The following MAMDC2 variants were observed in gnomAD, a reference collection of about 807,000 sequenced individuals.
MAMDC2 encodes the protein MAM domain-containing protein 2.
In MAMDC2, 57 loss-of-function variants were observed where a neutral mutation model predicts 89.8. That is an observed-to-expected ratio of 0.63 (90% CI 0.51 to 0.79). The LOEUF is 0.79. MAMDC2 is among the 30% of genes least tolerant of loss of function. The probability of loss-of-function intolerance (pLI) is 0.00; values close to 1 mark genes in which losing one functional copy is unlikely to be tolerated. For missense variants in MAMDC2, 800 were observed against 820.6 expected (o/e 0.97, Z 0.31); for synonymous variants, 313 against 293.4 (o/e 1.07, Z -0.68).
intron 11 of MAMDC2, among the ~76,000 whole-genome samples, chr9:70,182,570 T>C (rs1047930431): frequency 1.3e-5 from 2 of 152,212 alleles, no homozygotes; most frequent in Admixed American, 1.3e-4. Flanking sequence ...TACTTCTTCC[T>C]GATTTAGTCT....
chr9:70,175,082 A>G (rs543636957), intron 11 of MAMDC2, among the ~76,000 whole-genome samples: 1 of 152,276 alleles, frequency 6.6e-6, no homozygotes, highest in South Asian at 2.1e-4. Context: ...TGTTGAACTT[A>G]GGAGAGAAGC....
chr9:70,140,708 C>T (rs1339349884), intron 8 of MAMDC2, among the ~76,000 whole-genome samples: 1 of 152,122 alleles, frequency 6.6e-6, no homozygotes, highest in East Asian at 1.9e-4. Flanking sequence ...TGATCTGGAA[C>T]TACATAGTGG....
intron 12 of MAMDC2, among the ~76,000 whole-genome samples, chr9:70,224,752 A>AT (rs2033618159): frequency 6.6e-6 from 1 of 152,190 alleles, no homozygotes; most frequent in Non-Finnish European, 1.5e-5. Context: ...TTTACCAGCA[A>AT]TGTGGGTATC....
intron 9 of MAMDC2, among the ~76,000 whole-genome samples, chr9:70,168,305 A>G (rs1037620130): frequency 6.6e-6 from 1 of 152,178 alleles, no homozygotes; most frequent in African/African-American, 2.4e-5. Context: ...CAGCCTGGCC[A>G]ACATGGTGAA....
intron 2 of MAMDC2, among the ~76,000 whole-genome samples, chr9:70,102,564 A>C (rs1828224069): frequency 6.6e-6 from 1 of 152,184 alleles, no homozygotes; most frequent in Admixed American, 6.5e-5. Flanking sequence ...GCTTGGCTTC[A>C]CTTAAACAGA....
chr9:70,155,300 A>G (rs1184577501), intron 9 of MAMDC2, among the ~76,000 whole-genome samples: 2 of 152,106 alleles, frequency 1.3e-5, no homozygotes, highest in Non-Finnish European at 2.9e-5. Flanking sequence ...CATTCTTAGG[A>G]TGTGATCTCA....
intron 11 of MAMDC2, among the ~76,000 whole-genome samples, chr9:70,176,050 C>T (rs772389871): frequency 3.3e-5 from 5 of 152,220 alleles, no homozygotes; most frequent in Non-Finnish European, 7.3e-5. Flanking sequence ...CACAATTGAA[C>T]CCACTCCCAG....
rs571558014 is a variant in MAMDC2 at position 70,144,635 on chromosome 9, A to G, written c.1404+816A>G. 2.2e-4 allele frequency among the ~76,000 whole-genome samples: 33 copies of G among 152,332 alleles called. No homozygotes were observed. In the South Asian group the frequency reaches 6.8e-3, roughly 32 times the overall value. ...GAAAAATAAGAAAGTGCTATCCTTC[A>G]AACAGATAACTCACACAGTGGTAGT... On this transcript the variant is annotated intron_variant, in intron 9 of 13. Coordinates refer to ENST00000377182, the MANE Select transcript of MAMDC2 (RefSeq NM_153267.5).
chr9:70,100,295 C>G (rs950775239), intron 2 of MAMDC2, among the ~76,000 whole-genome samples: 1 of 152,164 alleles, frequency 6.6e-6, no homozygotes, highest in African/African-American at 2.4e-5. Flanking sequence ...CCCAAAGTGA[C>G]ATTGTTTCTA....
intron 2 of MAMDC2, among the ~76,000 whole-genome samples, chr9:70,090,358 C>A (rs1297835192): frequency 6.6e-6 from 1 of 151,728 alleles, no homozygotes; most frequent in Non-Finnish European, 1.5e-5. Context: ...GTGGCTCATG[C>A]CTGCAGCTAC....
chr9:70,217,555 G>C, intron 11 of MAMDC2: 1 of 1,591,728 alleles, frequency 6.3e-7, no homozygotes, highest in East Asian at 2.2e-5. Flanking sequence ...GGCTAAGCAA[G>C]CATCTAAAAA....
intron 9 of MAMDC2, chr9:70,153,410 T>G (rs1224779505): frequency 1.3e-5 from 2 of 152,212 alleles, no homozygotes; most frequent in African/African-American, 2.4e-5. Flanking sequence ...CCCTTATATA[T>G]TCAAATCCTT....
chr9:70,200,651 C>A (rs1192391886), intron 11 of MAMDC2, among the ~76,000 whole-genome samples: 2 of 139,144 alleles, frequency 1.4e-5, no homozygotes, highest in African/African-American at 5.3e-5. Flanking sequence ...GCAGTATGGC[C>A]ATTTTCACGA....
At chr9:70,155,417 G>T (rs2031724748) in intron 9 of MAMDC2, among the ~76,000 whole-genome samples, 1 of 152,202 alleles carries the variant, frequency 6.6e-6, no homozygotes, top group Non-Finnish European at 1.5e-5. Flanking sequence ...ATCTGACAAA[G>T]AAAGTATTAT....
chr9:70,161,203 G>A (rs1238088374), intron 9 of MAMDC2, among the ~76,000 whole-genome samples: 1 of 152,102 alleles, frequency 6.6e-6, no homozygotes, highest in Non-Finnish European at 1.5e-5. Context: ...TCTTTGAGTT[G>A]AGAGGTTTGG....
At chr9:70,190,876 T>A (rs939598248) in intron 11 of MAMDC2, among the ~76,000 whole-genome samples, 3 of 152,180 alleles carry the variant, frequency 2.0e-5, no homozygotes, top group African/African-American at 7.2e-5. Context: ...CAGAAGCTGC[T>A]AAACAGGTTA....
At chr9:70,183,972 G>A (rs1411342682) in intron 11 of MAMDC2, among the ~76,000 whole-genome samples, 5 of 152,178 alleles carry the variant, frequency 3.3e-5, no homozygotes, top group Non-Finnish European at 7.3e-5. Context: ...TTTCTTCATA[G>A]TGTTGATGTT....
At chr9:70,213,434 T>C (rs1007258078) in intron 11 of MAMDC2, among the ~76,000 whole-genome samples, 2 of 152,210 alleles carry the variant, frequency 1.3e-5, no homozygotes, top group African/African-American at 4.8e-5. Flanking sequence ...GAATTTTTTT[T>C]AAGCTAAATG....
At chr9:70,143,267 T>A (rs1423031101) in intron 8 of MAMDC2, among the ~76,000 whole-genome samples, 2 of 152,238 alleles carry the variant, frequency 1.3e-5, no homozygotes, top group Non-Finnish European at 2.9e-5. Flanking sequence ...TCATCCTTTT[T>A]GTTTCATGAA....
Sources: allele counts gnomAD v4.1 joint callset (sites outside exome capture counted in the v4.1 genomes callset), GRCh38; gene constraint gnomAD v4.1.1; transcripts MANE v1.5; gene names NCBI Gene and HGNC (gene_info 2026-07-23, HGNC 2026-07-21).